ZNF66: variants seen among roughly 807,000 people sequenced by gnomAD.
ZNF66 encodes zinc finger protein 66, also known as putative zinc finger protein 66.
A neutral mutation model predicts 35.2 loss-of-function variants in ZNF66; 32 were observed. The observed-to-expected ratio is 0.91, with a 90% confidence interval of 0.69 to 1.22. The LOEUF is 1.22. ZNF66 is among the 50% of genes most tolerant of loss of function. ZNF66 has a pLI of 0.00. For synonymous variants in ZNF66, 231 were observed against 181.3 expected, an observed-to-expected ratio of 1.27 and a Z score of -2.20; for missense variants, 666 against 543.1, an observed-to-expected ratio of 1.23 and a Z score of -2.25.
intron 3 of ZNF66, among the ~76,000 whole-genome samples, chr19:20,803,934 T>G (rs928190930): frequency 1.7e-4 from 26 of 152,262 alleles, no homozygotes; most frequent in Admixed American, 1.6e-3. Flanking sequence ...GCAAAAATTT[T>G]TTTGATAAAT....
chr19:20,805,512 A>C (rs1253803002), intron 3 of ZNF66, among the ~76,000 whole-genome samples: 1 of 152,124 alleles, frequency 6.6e-6, no homozygotes, highest in Non-Finnish European at 1.5e-5. Context: ...TTTTAAAGGC[A>C]CAATGTTATA....
intron 3 of ZNF66, 154 bp downstream of exon 3, chr19:20,794,032 T>C: frequency 5.2e-6 from 3 of 573,620 alleles, no homozygotes; most frequent in Non-Finnish European, 6.2e-6. Flanking sequence ...TTTTTGTTGT[T>C]TTAAATTTTG....
In ZNF66 at chr19:20,799,787, T is replaced by TTG. The variant is rs879364048; in HGVS notation, c.226+5910_226+5911insGT. ...TTTCTGAGCTCTCTATTCTGTTCTT[T>TTG]TATCTGTTTGTCTTTGTGTATCACA... On this transcript the variant is annotated intron_variant, in intron 3 of 3. Coordinates refer to ENST00000344519, the MANE Select transcript of ZNF66 (RefSeq NM_001355197.2). 7.6e-3 allele frequency among the ~76,000 whole-genome samples: 1,162 copies of TTG among 152,326 alleles called. 15 individuals are homozygous for TTG. The highest frequency in any genetic ancestry group is 0.027 in the African/African-American group (1,127 of 41,572).
intron 1 of ZNF66, among the ~76,000 whole-genome samples, chr19:20,781,453 T>C (rs1568493627): frequency 6.6e-6 from 1 of 152,164 alleles, no homozygotes; most frequent in Non-Finnish European, 1.5e-5. Context: ...TCTTATTATT[T>C]AGCTCTTACT....
intron 3 of ZNF66, among the ~76,000 whole-genome samples, chr19:20,805,267 T>C (rs1236631958): frequency 1.3e-5 from 2 of 152,142 alleles, no homozygotes; most frequent in East Asian, 1.9e-4. Context: ...TGATGTCAGC[T>C]TACTGCAACC....
rs1971192455 is a variant in ZNF66 at position 20,776,312 on chromosome 19, C to T, written c.-136C>T. Reference sequence around the variant, plus strand: ...GATTTGGCGGGGTCTTTGTCTCTCCCTGCAGCTGGAGCTCCAGGTCGTCTG... The same window carrying T: ...GATTTGGCGGGGTCTTTGTCTCTCCTTGCAGCTGGAGCTCCAGGTCGTCTG... On this transcript the variant is annotated 5_prime_UTR_variant, in exon 1 of 4. Coordinates refer to ENST00000344519, the MANE Select transcript of ZNF66 (RefSeq NM_001355197.2). 7 of 1,391,152 alleles carry T rather than the reference C, an allele frequency of 5.0e-6. No individual in the cohort carries two copies. Among genetic ancestry groups the T allele is most frequent in the Non-Finnish European group, 7.1e-6 (7 of 984,216 alleles). The allele number at this position is 1,391,152 out of a possible 1,614,324, so 86.2% of individuals were successfully genotyped here. A position where few individuals can be genotyped will look rare whatever the true frequency, so the allele number is the denominator to read the frequency against.
chr19:20,794,016 TTTTTG>T, intron 3 of ZNF66, 138 bp downstream of exon 3: 2 of 545,736 alleles, frequency 3.7e-6, no homozygotes, highest in Non-Finnish European at 6.5e-6. Context: ...TTGTTTTTTG[TTTTTG>T]TTTTTGTTGT....
chr19:20,801,400 A>G (rs1171340925), intron 3 of ZNF66, among the ~76,000 whole-genome samples: 2 of 143,206 alleles, frequency 1.4e-5, no homozygotes, highest in East Asian at 2.0e-4. Context: ...CTGGAGTGCA[A>G]TGGTGCAATC....
intron 1 of ZNF66, among the ~76,000 whole-genome samples, chr19:20,782,437 G>A (rs529535413): frequency 2.0e-4 from 31 of 152,304 alleles, no homozygotes; most frequent in African/African-American, 7.0e-4. Context: ...TTAGTTCTGT[G>A]AGGAACCGCC....
chr19:20,806,904 G>C lies in ZNF66; in HGVS notation c.1304G>C (p.Ser435Thr), dbSNP rs746266449. ...TGTGAAGAATGTGGCAAAGCCTTCA[G>C]TCGGTCCTCTATTCTTACTACACAT... The part of the protein sequence containing the change: ...YKCEECGKAF[S>T]RSSILTTHKI... The change falls in exon 4 of 4, where the codon AGT (serine) becomes ACT (threonine). Residue 435 changes from serine (S) to threonine (T), a missense_variant. Physicochemically the swap from Ser to Thr is moderately conservative, Grantham distance 58. Transcript: ENST00000344519. 19 of 1,223,582 alleles carry C rather than the reference G, an allele frequency of 1.6e-5. No homozygotes were observed. The African/African-American group carries it at 2.5e-4, about 16-fold the overall frequency. The allele number at this position is 1,223,582 out of a possible 1,614,324, so 75.8% of individuals were successfully genotyped here. A position where few individuals can be genotyped will look rare whatever the true frequency, so the allele number is the denominator to read the frequency against.
At chr19:20,776,615 G>A in intron 1 of ZNF66, 165 bp downstream of exon 1, 1 of 1,050,312 alleles carries the variant, frequency 9.5e-7, no homozygotes, top group Non-Finnish European at 1.4e-6. Flanking sequence ...CCTGGCCCCC[G>A]GGCGTCCTGT....
At chr19:20,785,131 TCTC>T in intron 1 of ZNF66, 1 of 152,330 alleles carries the variant, frequency 6.6e-6, no homozygotes, top group African/African-American at 2.4e-5. Flanking sequence ...GCCTGCAGGC[TCTC>T]CTCCTGCAGC....
chr19:20,799,543 TTG>T (rs1476220328), intron 3 of ZNF66: 6 of 152,198 alleles, frequency 3.9e-5, no homozygotes, highest in South Asian at 2.1e-4. Context: ...ATTAGTAATT[TTG>T]TGTGTTTTTT....
chr19:20,785,447 T>A (rs914782771), intron 1 of ZNF66, among the ~76,000 whole-genome samples: 1 of 152,200 alleles, frequency 6.6e-6, no homozygotes, highest in Non-Finnish European at 1.5e-5. Context: ...GTTCTGAAGA[T>A]GTGGAAAGTT....
intron 1 of ZNF66, among the ~76,000 whole-genome samples, chr19:20,791,032 TA>T (rs1293451114): frequency 6.6e-6 from 1 of 152,194 alleles, no homozygotes; most frequent in Non-Finnish European, 1.5e-5. Flanking sequence ...TGATCTGCAA[TA>T]TTAAAAATGT....
intron 1 of ZNF66, among the ~76,000 whole-genome samples, chr19:20,791,089 T>C (rs1971332794): frequency 2.0e-5 from 3 of 152,152 alleles, no homozygotes; most frequent in Admixed American, 2.0e-4. Context: ...TACTCAAGAT[T>C]TCTATTGGGG....
At chr19:20,804,407 C>G (rs1003244588) in intron 3 of ZNF66, among the ~76,000 whole-genome samples, 38 of 151,934 alleles carry the variant, frequency 2.5e-4, no homozygotes, top group African/African-American at 8.0e-4. Flanking sequence ...CCACACTTGG[C>G]TATTTTTTTA....
intron 1 of ZNF66, among the ~76,000 whole-genome samples, chr19:20,783,213 G>A (rs750838999): frequency 2.6e-5 from 4 of 152,078 alleles, no homozygotes; most frequent in South Asian, 2.1e-4. Flanking sequence ...TTGTGCACTC[G>A]TGGATTTTTT....
At chr19:20,800,252 G>A (rs425249) in intron 3 of ZNF66, among the ~76,000 whole-genome samples, 14,162 of 152,116 alleles carry the variant, frequency 0.093, 669 homozygotes, top group Middle Eastern at 0.11. Context: ...TTTGGCCCCA[G>A]TGGATCTCCC....
Sources: gnomAD v4.1 joint callset for allele counts (sites outside exome capture counted in the v4.1 genomes callset) on GRCh38, gnomAD v4.1.1 for gene constraint, MANE v1.5 for transcripts, NCBI Gene and HGNC (gene_info 2026-07-23, HGNC 2026-07-21) for gene names.